PLEKHA4: variants seen among roughly 807,000 people sequenced by gnomAD.
PLEKHA4 encodes the protein pleckstrin homology domain-containing family A member 4.
In PLEKHA4, 73 loss-of-function variants were observed where a neutral mutation model predicts 94.7. The ratio of observed to expected loss-of-function variants is 0.77; its 90% confidence interval spans 0.64 to 0.94. PLEKHA4 has a LOEUF of 0.94. Among genes scored for constraint, PLEKHA4 ranks in the 40% least tolerant of loss-of-function variants. The pLI, the probability that PLEKHA4 is intolerant of heterozygous loss-of-function variation, is 0.00. For synonymous variants in PLEKHA4, 449 were observed against 437.1 expected (o/e 1.03, Z -0.34); for missense variants, 1,049 against 1,054.1 (o/e 1.00, Z 0.07).
In PLEKHA4 at chr19:48,861,617, G is replaced by T. The variant is rs1436729618; in HGVS notation, c.265+3C>A. ...ACCCCAAGCCAGCCAGCCAGCCACT[G>T]ACCCTTGTAATAAAAGAGGCAATGG... is the stretch of plus-strand genomic sequence containing the variant. On this transcript the variant is annotated splice_donor_region_variant and intron_variant, in intron 4 of 19. Transcript: ENST00000263265. 2 of 1,614,028 alleles carry T rather than the reference G, an allele frequency of 1.2e-6. No homozygotes were observed. Among genetic ancestry groups the T allele is most frequent in the Non-Finnish European group, 1.7e-6 (2 of 1,180,008 alleles).
At chr19:48,851,339 G>A (rs570654142) in intron 13 of PLEKHA4, among the ~76,000 whole-genome samples, 30 of 151,522 alleles carry the variant, frequency 2.0e-4, no homozygotes, top group African/African-American at 7.3e-4. Flanking sequence ...GTTGTAGGCC[G>A]GGCGCAGTGG....
intron 16 of PLEKHA4, among the ~76,000 whole-genome samples, chr19:48,842,154 T>C (rs542373245): frequency 6.7e-6 from 1 of 149,342 alleles, no homozygotes; most frequent in East Asian, 1.9e-4. Context: ...TTTTTTTTTT[T>C]TTTTTTTTGA....
chr19:48,856,959 GA>G, intron 9 of PLEKHA4, among the ~76,000 whole-genome samples: 1 of 146,754 alleles, frequency 6.8e-6, no homozygotes, highest in South Asian at 2.2e-4. Context: ...GAGAAAGAAA[GA>G]AAGAAAGAGG....
intron 5 of PLEKHA4, among the ~76,000 whole-genome samples, chr19:48,860,857 A>AAAAGG (rs997252641): frequency 7.2e-5 from 11 of 151,786 alleles, no homozygotes; most frequent in Admixed American, 2.6e-4. Flanking sequence ...GAGAGAAAAA[A>AAAAGG]AAAGGAAAGG....
In PLEKHA4 at chr19:48,837,335, T is replaced by A; in HGVS notation, c.2294A>T (p.Glu765Val). 1 of 1,613,848 alleles carries A rather than the reference T, an allele frequency of 6.2e-7. No homozygotes were observed. Among genetic ancestry groups the A allele is most frequent in the South Asian group, 1.1e-5 (1 of 91,080 alleles). ...GIAPPVLPQDEGAWPLRVTLL... is the reference protein window; with the variant it reads ...GIAPPVLPQDVGAWPLRVTLL... ...AGTGACTCGCAGAGGCCATGCCCCC[T>A]CGTCTTGTGGCAGGACCGGAGGGGC... The change falls in exon 20 of 20, where the codon GAG becomes GTG. Residue 765 changes from glutamate to valine, a missense_variant. Coordinates refer to ENST00000263265, the MANE Select transcript of PLEKHA4 (RefSeq NM_020904.3). This position sits in a 1 kb window ranked among gnomAD's most constrained non-coding sequence, Gnocchi z 4.3.
In PLEKHA4 at chr19:48,859,727, A is replaced by G. The variant is rs1454471471; in HGVS notation, c.477-43T>C. 1.9e-6 allele frequency: 3 copies of G among 1,546,336 alleles called. No homozygotes were observed. In the South Asian group the frequency reaches 3.4e-5, roughly 17 times the overall value. On this transcript the variant is annotated intron_variant, in intron 6 of 19. Coordinates refer to ENST00000263265, the MANE Select transcript of PLEKHA4 (RefSeq NM_020904.3). ...ACAAGATATCACTCCTTCGAACTTC[A>G]TAACAGCCCTATTCTCTTGTCACAG...
chr19:48,844,389 A>G (rs1599873267), intron 16 of PLEKHA4: 1 of 875,906 alleles, frequency 1.1e-6, no homozygotes, highest in African/African-American at 1.8e-5. Context: ...TCCTGACCTC[A>G]AGTGATCTGC....
Position 48,845,624 on chromosome 19 carries a change from G to T in PLEKHA4, c.1567-8C>A. 6.5e-7 allele frequency: 1 copy of T among 1,543,128 alleles called. No individual in the cohort carries two copies. On this transcript the variant is annotated splice_region_variant and splice_polypyrimidine_tract_variant and intron_variant, in intron 14 of 19. Coordinates refer to ENST00000263265, the MANE Select transcript of PLEKHA4 (RefSeq NM_020904.3). ...CAAGGACTCTGGCAGGCTCTGCGGG[G>T]ATTAGAAAAGGGGGATAATGATGAT...
In PLEKHA4 at chr19:48,868,132, TGCG is replaced by T. The variant is rs2036896684; in HGVS notation, c.-59_-57del. 2 of 159,418 alleles carry T rather than the reference TGCG, an allele frequency of 1.3e-5. No homozygotes were observed. Among genetic ancestry groups the T allele is most frequent in the Non-Finnish European group, 1.4e-5 (1 of 71,788 alleles). The allele number at this position is 159,418 out of a possible 1,614,324, so 9.9% of individuals were successfully genotyped here. On this transcript the variant is annotated 5_prime_UTR_variant, in exon 1 of 20. Transcript: ENST00000263265. ...GGGGGCAAGAGGACGGTGTGGGTGCTGCGGCACCTAGGCAGTCTCCCGCCTCCT... is the reference window on the plus strand; with the variant it reads ...GGGGGCAAGAGGACGGTGTGGGTGCTGCACCTAGGCAGTCTCCCGCCTCCT...
chr19:48,857,328 C>G (rs997597800), intron 9 of PLEKHA4, 94 bp downstream of exon 9: 7 of 628,256 alleles, frequency 1.1e-5, no homozygotes, highest in Non-Finnish European at 2.0e-5. Flanking sequence ...ATCTACAGTT[C>G]TCTAGGCACC....
At chr19:48,862,204 CTTT>C (rs747491446) in intron 3 of PLEKHA4, among the ~76,000 whole-genome samples, 5 of 135,508 alleles carry the variant, frequency 3.7e-5, no homozygotes, top group Admixed American at 7.5e-5. Flanking sequence ...TTTTCTCTCT[CTTT>C]TTTTTTTTTT....
At chr19:48,856,311 C>T (rs917590474) in intron 9 of PLEKHA4, among the ~76,000 whole-genome samples, 41 of 151,586 alleles carry the variant, frequency 2.7e-4, no homozygotes, top group Admixed American at 6.6e-5. Flanking sequence ...AGGCCAGTCG[C>T]GGTGGCTCAC....
chr19:48,864,840 G>C (rs967967261), intron 3 of PLEKHA4, among the ~76,000 whole-genome samples: 3 of 152,132 alleles, frequency 2.0e-5, no homozygotes, highest in African/African-American at 7.2e-5. Context: ...CAAAATGCTG[G>C]GGTTACACCA....
chr19:48,852,389 C>T (rs1306682982), intron 12 of PLEKHA4, 63 bp from the exon 13 acceptor site: 2 of 1,275,708 alleles, frequency 1.6e-6, no homozygotes, highest in Non-Finnish European at 2.3e-6. Context: ...CTTCCCCACC[C>T]CATCATTTGT....
Position 48,837,361 on chromosome 19 carries a change from G to A in PLEKHA4, c.2268C>T (p.Ile756=). 2 of 1,613,746 alleles carry A rather than the reference G, an allele frequency of 1.2e-6. No homozygotes were observed. Among genetic ancestry groups the A allele is most frequent in the Non-Finnish European group, 1.7e-6 (2 of 1,179,994 alleles). ...TPWGPAWDAG[I]APPVLPQDEG... Reference sequence around the variant, plus strand: ...CGTCTTGTGGCAGGACCGGAGGGGCGATCCCGGCATCCCACGCGGGCCCCC... The same window carrying A: ...CGTCTTGTGGCAGGACCGGAGGGGCAATCCCGGCATCCCACGCGGGCCCCC... The change falls in exon 20 of 20, where the codon ATC becomes ATT. Residue 756 remains isoleucine, a synonymous_variant. Coordinates refer to ENST00000263265, the MANE Select transcript of PLEKHA4 (RefSeq NM_020904.3). The surrounding 1 kb of genome is among the most constrained non-coding windows in gnomAD (Gnocchi z 4.3).
rs35146886 is a variant in PLEKHA4 at position 48,855,603 on chromosome 19, C to CAAATAAATAAATAAAT, written c.1048-1355_1048-1340dup. 1.2e-3 allele frequency among the ~76,000 whole-genome samples: 165 copies of CAAATAAATAAATAAAT among 142,872 alleles called. 2 individuals carry two copies. The highest frequency in any genetic ancestry group is 3.9e-3 in the African/African-American group (144 of 37,088). 93.7% of individuals were successfully genotyped at this position (142,872 alleles called of 152,430 possible). On this transcript the variant is annotated intron_variant, in intron 9 of 19. Transcript: ENST00000263265. ...CGGGTGACAGAGTGAGATTTCGTCT[C>CAAATAAATAAATAAAT]AAATAAATAAATAAATAAATAAATA...
At chr19:48,844,125 A>T (rs1273274236) in intron 16 of PLEKHA4, among the ~76,000 whole-genome samples, 5 of 29,448 alleles carry the variant, frequency 1.7e-4, no homozygotes, top group African/African-American at 5.4e-4. Context: ...TTATTTTATT[A>T]TTATTATTAT....
At chr19:48,862,909 A>G (rs2036699320) in intron 3 of PLEKHA4, among the ~76,000 whole-genome samples, 1 of 152,172 alleles carries the variant, frequency 6.6e-6, no homozygotes, top group African/African-American at 2.4e-5. Context: ...AGTTTTAGGG[A>G]GGTTTGGATG....
intron 8 of PLEKHA4, among the ~76,000 whole-genome samples, chr19:48,857,971 G>A (rs547260645): frequency 1.3e-5 from 2 of 151,806 alleles, no homozygotes; most frequent in African/African-American, 4.8e-5. Context: ...GTGACAAATA[G>A]TAGAGTGGGC....
Sources: allele counts gnomAD v4.1 joint callset (sites outside exome capture counted in the v4.1 genomes callset), GRCh38; gene constraint gnomAD v4.1.1; non-coding constraint Gnocchi (gnomAD v3.1); transcripts MANE v1.5; gene names NCBI Gene and HGNC (gene_info 2026-07-23, HGNC 2026-07-21).